The following AFF3 variants were observed in gnomAD, a reference collection of about 807,000 sequenced individuals.
The protein encoded by AFF3 is ALF transcription elongation factor 3.
AFF3 carries 32 observed loss-of-function variants against 129.7 expected under a neutral mutation model. The ratio of observed to expected loss-of-function variants is 0.25; its 90% CI spans 0.19 to 0.33. The LOEUF is 0.33. AFF3 is among the 10% of genes least tolerant of loss of function. AFF3 has a pLI of 1.00. For missense variants in AFF3, 1,373 were observed against 1,592.0 expected (o/e 0.86, Z 2.34); for synonymous variants, 644 against 635.4 (o/e 1.01, Z -0.20).
At chr2:99,567,805 G>T (rs1056666164) in intron 19 of AFF3, among the ~76,000 whole-genome samples, 3 of 152,192 alleles carry the variant, frequency 2.0e-5, no homozygotes, top group Admixed American at 6.5e-5. Flanking sequence ...AGAGGACAAT[G>T]AATGAATAAT....
Position 99,551,423 on chromosome 2 carries a change from G to A in AFF3, c.*51C>T, listed in dbSNP as rs377761463. 93 of 1,607,276 alleles carry A rather than the reference G, an allele frequency of 5.8e-5. No homozygotes were observed. Among genetic ancestry groups the A allele is most frequent in the Non-Finnish European group, 7.4e-5 (87 of 1,176,612 alleles). On this transcript the variant is annotated 3_prime_UTR_variant, in exon 25 of 25. Coordinates refer to ENST00000672756, the MANE Select transcript of AFF3 (RefSeq NM_001386135.1). ...TTTCAGTAGCACAGTGTCCAAAAAC[G>A]TTGAGCCATCTGTGGAGACCAGAGC... is the stretch of plus-strand genomic sequence containing the variant.
At chr2:99,673,368 C>G (rs1434183020) in intron 11 of AFF3, among the ~76,000 whole-genome samples, 1 of 152,032 alleles carries the variant, frequency 6.6e-6, no homozygotes, top group Non-Finnish European at 1.5e-5. Flanking sequence ...CCACCCAGGT[C>G]CCCCCATTCA....
chr2:99,625,552 T>C (rs920063289), intron 13 of AFF3, among the ~76,000 whole-genome samples: 3 of 152,170 alleles, frequency 2.0e-5, no homozygotes, highest in Non-Finnish European at 4.4e-5. Context: ...CATTAAACCA[T>C]GTGCAGGAGA....
At chr2:100,112,758 G>A (rs1350087297) in intron 2 of AFF3, among the ~76,000 whole-genome samples, 1 of 152,190 alleles carries the variant, frequency 6.6e-6, no homozygotes, top group Non-Finnish European at 1.5e-5. Flanking sequence ...GTCGTGAGAG[G>A]AGGAAAGTGA....
intron 8 of AFF3, among the ~76,000 whole-genome samples, chr2:99,791,800 C>T (rs1685206791): frequency 6.6e-6 from 1 of 151,594 alleles, no homozygotes; most frequent in Non-Finnish European, 1.5e-5. Flanking sequence ...ATATTTAGTG[C>T]CATATTTTTT....
chr2:99,758,499 T>A (rs1174850477), intron 8 of AFF3, among the ~76,000 whole-genome samples: 1 of 148,464 alleles, frequency 6.7e-6, no homozygotes, highest in Admixed American at 6.9e-5. Context: ...GGCACAAGAA[T>A]CGCTTGAACC....
intron 7 of AFF3, among the ~76,000 whole-genome samples, chr2:99,841,440 G>A (rs1043460200): frequency 4.6e-5 from 7 of 152,168 alleles, no homozygotes; most frequent in African/African-American, 7.2e-5. Flanking sequence ...CTAAGGAGGC[G>A]GCAGAGGTGA....
chr2:100,059,315 T>C (rs1315801277), intron 4 of AFF3, among the ~76,000 whole-genome samples: 2 of 103,966 alleles, frequency 1.9e-5, no homozygotes, highest in Non-Finnish European at 2.0e-5. Context: ...CTAAAGAAGA[T>C]AAATGAATGG....
chr2:99,633,409 C>T (rs1282601245), intron 13 of AFF3, among the ~76,000 whole-genome samples: 1 of 151,984 alleles, frequency 6.6e-6, no homozygotes, highest in East Asian at 1.9e-4. Flanking sequence ...AAGCTGTAGC[C>T]TAACGTATGG....
intron 9 of AFF3, among the ~76,000 whole-genome samples, chr2:99,748,290 C>T (rs763589976): frequency 8.5e-5 from 13 of 152,310 alleles, no homozygotes; most frequent in Admixed American, 3.9e-4. Flanking sequence ...TCTCACCAGC[C>T]TTCTCTCCCC....
rs1001091858 is a variant in AFF3, at chr2:99,818,643, G to T, written c.921+18834C>A. Among the ~76,000 whole-genome samples the T allele has an allele frequency of 3.9e-5, 6 of 152,208 alleles. No homozygotes were observed. The East Asian group carries it at 1.2e-3, about 29-fold the overall frequency. ...AAAGCACTTACATTTCAGTAGGAGG[G>T]TTTAGTCATTTGTCAATAAATGAGA... On this transcript the variant is annotated intron_variant, in intron 8 of 24. Transcript: ENST00000672756.
At chr2:99,897,052 A>T (rs566729955) in intron 7 of AFF3, among the ~76,000 whole-genome samples, 8 of 152,218 alleles carry the variant, frequency 5.3e-5, no homozygotes, top group South Asian at 4.2e-4. Flanking sequence ...ACTACATATA[A>T]TTTTTTTAAT....
intron 7 of AFF3, among the ~76,000 whole-genome samples, chr2:99,955,211 T>C (rs1389023038): frequency 6.6e-6 from 1 of 152,152 alleles, no homozygotes; most frequent in Non-Finnish European, 1.5e-5. Context: ...TAATAAAATA[T>C]AATTAAACAT....
rs551526514 is a variant in AFF3, at chr2:100,031,454, AGAGATTAGTATACACACAT to A, written c.54-22541_54-22523del. On this transcript the variant is annotated intron_variant, in intron 4 of 24. Transcript: ENST00000672756. ...TATAGAAATGTATACATACACACAG[AGAGATTAGTATACACACAT>A]GTATTTCCTTGCCCTGTAGCTGAGT... Among the ~76,000 whole-genome samples, 29 of 152,306 alleles carry A rather than the reference AGAGATTAGTATACACACAT, an allele frequency of 1.9e-4. No homozygotes were observed. In the East Asian group the frequency reaches 5.6e-3, roughly 29 times the overall value.
At chr2:100,022,704 G>A (rs1281304557) in intron 4 of AFF3, among the ~76,000 whole-genome samples, 2 of 152,148 alleles carry the variant, frequency 1.3e-5, no homozygotes, top group East Asian at 1.9e-4. Context: ...GAGCCACTGC[G>A]CCTGGCCCTG....
chr2:99,648,625 A>C (rs1032404908), intron 13 of AFF3, among the ~76,000 whole-genome samples: 1 of 152,056 alleles, frequency 6.6e-6, no homozygotes, highest in Admixed American at 6.6e-5. Context: ...CTTTTCACTC[A>C]TGCACACCAG....
chr2:99,976,422 C>CATAT (rs897774301), intron 7 of AFF3, among the ~76,000 whole-genome samples: 6 of 152,226 alleles, frequency 3.9e-5, no homozygotes, highest in African/African-American at 1.4e-4. Flanking sequence ...GATATACATA[C>CATAT]ATATGCTCCT....
At chr2:100,137,049 A>G (rs148904929) in intron 1 of AFF3, among the ~76,000 whole-genome samples, 132 of 152,332 alleles carry the variant, frequency 8.7e-4, no homozygotes, top group African/African-American at 3.1e-3. Flanking sequence ...CTATTTATAT[A>G]TAAAGAATTC....
intron 8 of AFF3, among the ~76,000 whole-genome samples, chr2:99,767,841 A>G (rs1448758469): frequency 3.3e-5 from 5 of 152,166 alleles, no homozygotes; most frequent in Non-Finnish European, 5.9e-5. Flanking sequence ...GCTACTCAGG[A>G]GGCTGAGGCA....
Sources: gnomAD v4.1 joint callset for allele counts (sites outside exome capture counted in the v4.1 genomes callset) on GRCh38, gnomAD v4.1.1 for gene constraint, MANE v1.5 for transcripts, NCBI Gene and HGNC (gene_info 2026-07-23, HGNC 2026-07-21) for gene names.